NR2C1: variants seen among roughly 807,000 people sequenced by gnomAD.
NR2C1 encodes the protein nuclear receptor subfamily 2 group C member 1.
NR2C1 carries 33 observed loss-of-function variants against 74.8 expected under a neutral mutation model. That is an observed-to-expected ratio of 0.44 (90% CI 0.33 to 0.59). The LOEUF is 0.59. Ranked by LOEUF, NR2C1 falls within the 20% of genes least tolerant of loss-of-function variation. The pLI is 0.02. For synonymous variants in NR2C1, 225 were observed against 240.6 expected (o/e 0.94, Z 0.60); for missense variants, 568 against 715.6 (o/e 0.79, Z 2.35).
At chr12:95,055,926 CG>C (rs1384396004) in intron 7 of NR2C1, among the ~76,000 whole-genome samples, 4 of 117,162 alleles carry the variant, frequency 3.4e-5, no homozygotes, top group Admixed American at 1.2e-4. Flanking sequence ...GCACTCCAGA[CG>C]GGGTAACAGA....
chr12:95,049,440 T>G, intron 8 of NR2C1: 1 of 417,262 alleles, frequency 2.4e-6, no homozygotes. Context: ...TTTAAAATCT[T>G]GCATAATTAA....
chr12:95,028,277 T>G (rs915309738), intron 12 of NR2C1, 110 bp downstream of exon 12: 17 of 825,400 alleles, frequency 2.1e-5, no homozygotes, highest in Non-Finnish European at 2.8e-5. Context: ...ACTGAACTCT[T>G]TTCCCAGGTA....
chr12:95,044,863 T>C (rs1018996279), intron 9 of NR2C1, among the ~76,000 whole-genome samples: 3 of 152,016 alleles, frequency 2.0e-5, no homozygotes, highest in Middle Eastern at 3.2e-3. Context: ...GCCTGGGCTA[T>C]AGAGCCAGTC....
intron 7 of NR2C1, among the ~76,000 whole-genome samples, chr12:95,056,849 T>C (rs1301772629): frequency 6.6e-6 from 1 of 151,294 alleles, no homozygotes; most frequent in Non-Finnish European, 1.5e-5. Flanking sequence ...GTCCCAGCTA[T>C]TCAGGAGGCT....
intron 2 of NR2C1, 44 bp from the exon 3 acceptor site, chr12:95,062,782 T>C: frequency 6.9e-7 from 1 of 1,444,886 alleles, no homozygotes; most frequent in Non-Finnish European, 9.7e-7. Flanking sequence ...CAATAATTTT[T>C]CTTTAATGAC....
chr12:95,058,699 G>A (rs1475595940), intron 4 of NR2C1, among the ~76,000 whole-genome samples: 1 of 152,094 alleles, frequency 6.6e-6, no homozygotes, highest in East Asian at 1.9e-4. Context: ...GTGTAATGGT[G>A]CGATCACAGT....
At chr12:95,058,109 T>TA in intron 5 of NR2C1, 1 of 659,506 alleles carries the variant, frequency 1.5e-6, no homozygotes, top group Non-Finnish European at 2.5e-6. Context: ...AAACTACAAA[T>TA]ACGTGCTTTT....
chr12:95,057,958 T>A, intron 5 of NR2C1, 80 bp from the exon 6 acceptor site: 1 of 1,197,598 alleles, frequency 8.4e-7, no homozygotes, highest in Admixed American at 1.9e-5. Flanking sequence ...GTAAGCTTAA[T>A]GCTGCTAATA....
rs368229386 is a variant in NR2C1 at position 95,036,272 on chromosome 12, T to TAAAAAA, written c.1253+4198_1253+4203dup. ...TAAAAAGCAACACGAATGTTGAGAT[T>TAAAAAA]AAAAAAAAAAAAAAAAAAGGCCGGA... On this transcript the variant is annotated intron_variant, in intron 10 of 13. Coordinates refer to ENST00000333003, the MANE Select transcript of NR2C1 (RefSeq NM_003297.4). Among the ~76,000 whole-genome samples, 39 of 127,208 alleles carry TAAAAAA rather than the reference T, an allele frequency of 3.1e-4. 1 individual carries two copies. The highest frequency in any genetic ancestry group is 1.1e-3 in the African/African-American group (36 of 33,866). The allele number at this position is 127,208 out of a possible 152,430, so 83.5% of individuals were successfully genotyped here. A position where few individuals can be genotyped will look rare whatever the true frequency, so the allele number is the denominator to read the frequency against.
At chr12:95,031,127 A>T (rs922182991) in intron 11 of NR2C1, among the ~76,000 whole-genome samples, 1 of 152,246 alleles carries the variant, frequency 6.6e-6, no homozygotes, top group Admixed American at 6.5e-5. Flanking sequence ...ATAGCCTGCC[A>T]GACTTAAGTA....
chr12:95,058,430 G>C lies in NR2C1; in HGVS notation c.424C>G (p.Arg142Gly). The C allele has an allele frequency of 6.2e-7, 1 of 1,612,850 alleles. No individual in the cohort carries two copies. The highest frequency in any genetic ancestry group is 8.5e-7 in the Non-Finnish European group (1 of 1,179,644). ...CGACATGAATATACTAAATTTTTTCGGATGCTTCTTTTAAAAAATCCTTTG... is the reference window on the plus strand; with the variant it reads ...CGACATGAATATACTAAATTTTTTCCGATGCTTCTTTTAAAAAATCCTTTG... Reference protein sequence around the residue: ...GCKGFFKRSIRKNLVYSCRGS... With the variant: ...GCKGFFKRSIGKNLVYSCRGS... The change falls in exon 5 of 14, where the codon CGA becomes GGA. Residue 142 changes from arginine to glycine, a missense_variant. By Grantham distance (125) the Arg-to-Gly change is moderately radical. Around this residue, in one of 6 missense-constraint regions of NR2C1, gnomAD observed 44 missense variants for 95.6 expected, o/e 0.46. Transcript: ENST00000333003.
intron 7 of NR2C1, 128 bp downstream of exon 7, chr12:95,057,425 A>T (rs898614637): frequency 7.2e-5 from 22 of 307,688 alleles, no homozygotes; most frequent in African/African-American, 2.7e-4. Flanking sequence ...AATTTATATT[A>T]AAAAAAAAAA....
At chr12:95,036,397 C>T (rs933774963) in intron 10 of NR2C1, among the ~76,000 whole-genome samples, 5 of 151,642 alleles carry the variant, frequency 3.3e-5, no homozygotes, top group African/African-American at 1.2e-4. Context: ...ACAGTGAGAC[C>T]TCCATCTCTA....
intron 2 of NR2C1, among the ~76,000 whole-genome samples, chr12:95,065,967 T>C (rs1038988316): frequency 2.0e-5 from 3 of 149,022 alleles, no homozygotes; most frequent in Non-Finnish European, 4.5e-5. Flanking sequence ...AAAAAAAAAA[T>C]TATTGACTAT....
In NR2C1 at chr12:95,057,740, T is replaced by G. The variant is rs764380280; in HGVS notation, c.683A>C (p.Glu228Ala). ...TATPTFVTDS[E>A]STRSTGLLDS... Reference sequence around the variant, plus strand: ...GTCTGTTTTACTTTACCTTGTACTTTCACTATCTGTTACAAAAGTTGGAGT... The same window carrying G: ...GTCTGTTTTACTTTACCTTGTACTTGCACTATCTGTTACAAAAGTTGGAGT... The change falls in exon 6 of 14, where the codon GAA becomes GCA. Residue 228 changes from glutamate to alanine, a missense_variant. Glu to Ala is a moderately radical substitution (Grantham distance 107). Around this residue, in one of 6 missense-constraint regions of NR2C1, gnomAD observed 239 missense variants for 232.3 expected, o/e 1.03. Coordinates refer to ENST00000333003, the MANE Select transcript of NR2C1 (RefSeq NM_003297.4). The G allele has an allele frequency of 1.9e-5, 30 of 1,613,972 alleles. No homozygotes were observed. Among genetic ancestry groups the G allele is most frequent in the Middle Eastern group, 1.7e-4 (1 of 6,060 alleles).
intron 1 of NR2C1, among the ~76,000 whole-genome samples, chr12:95,071,480 A>G (rs1283824015): frequency 6.6e-6 from 1 of 152,092 alleles, no homozygotes; most frequent in Non-Finnish European, 1.5e-5. Flanking sequence ...TTATTCCCCA[A>G]GAGTAGGGAT....
intron 13 of NR2C1, among the ~76,000 whole-genome samples, chr12:95,023,013 T>A (rs556669877): frequency 6.6e-6 from 1 of 151,928 alleles, no homozygotes; most frequent in East Asian, 1.9e-4. Flanking sequence ...AAGTTATACA[T>A]TTAAGAATGG....
intron 1 of NR2C1, chr12:95,072,762 G>C (rs1465220706): frequency 6.6e-6 from 1 of 152,254 alleles, no homozygotes; most frequent in Non-Finnish European, 1.5e-5. Flanking sequence ...CCCCTGCAGT[G>C]AGAACCCTGG....
Position 95,021,646 on chromosome 12 carries a change from A to G in NR2C1, c.*583T>C, listed in dbSNP as rs1373231447. The stretch of plus-strand genomic sequence containing the variant: ...ATGAATGGCCTGTCTCACTGCCAGC[A>G]ATGAGAGTAGTATATGCTAAGGGAC... On this transcript the variant is annotated 3_prime_UTR_variant, in exon 14 of 14. Coordinates refer to ENST00000333003, the MANE Select transcript of NR2C1 (RefSeq NM_003297.4). 1 of 151,658 alleles carries G rather than the reference A, an allele frequency of 6.6e-6. No homozygotes were observed. Among genetic ancestry groups the G allele is most frequent in the Non-Finnish European group, 1.5e-5 (1 of 67,798 alleles). The allele number at this position is 151,658 out of a possible 1,614,324, so 9.4% of individuals were successfully genotyped here.
Sources: allele counts gnomAD v4.1 joint callset (sites outside exome capture counted in the v4.1 genomes callset), GRCh38; gene constraint gnomAD v4.1.1; regional missense constraint gnomAD v4.1.1; transcripts MANE v1.5; gene names NCBI Gene and HGNC (gene_info 2026-07-23, HGNC 2026-07-21).